The following GALNTL6 variants were observed in gnomAD, a reference collection of about 807,000 sequenced individuals.
GALNTL6 encodes the protein polypeptide N-acetylgalactosaminyltransferase-like 6.
In GALNTL6, 46 loss-of-function variants were observed where a neutral mutation model predicts 73.7. That is an observed-to-expected ratio of 0.62 (90% CI 0.49 to 0.80). The LOEUF (loss-of-function observed/expected upper bound fraction) is 0.80. Among genes scored for constraint, GALNTL6 ranks in the 30% least tolerant of loss-of-function variants. The probability of loss-of-function intolerance (pLI) is 0.00; values close to 1 mark genes in which losing one functional copy is unlikely to be tolerated. For synonymous variants in GALNTL6, 259 were observed against 263.7 expected (o/e 0.98, Z 0.17); for missense variants, 604 against 755.0 (o/e 0.80, Z 2.34).
intron 2 of GALNTL6, among the ~76,000 whole-genome samples, chr4:171,867,530 C>A (rs150818374): frequency 6.6e-6 from 1 of 152,196 alleles, no homozygotes; most frequent in Admixed American, 6.5e-5. Context: ...CCACTTGTTT[C>A]CATCCCCGAC....
chr4:172,444,126 A>G (rs1508256), intron 5 of GALNTL6, among the ~76,000 whole-genome samples: 95,871 of 152,030 alleles, frequency 0.63, 31,210 homozygotes, highest in South Asian at 0.82. Context: ...GGAGTATATA[A>G]ACTGAAGGTT....
chr4:172,836,706 T>C (rs1742928561), intron 7 of GALNTL6, among the ~76,000 whole-genome samples: 2 of 152,254 alleles, frequency 1.3e-5, no homozygotes. Context: ...CAGGTTGGCA[T>C]TTGAAAACCT....
At chr4:172,716,101 A>G (rs1220821699) in intron 5 of GALNTL6, among the ~76,000 whole-genome samples, 1 of 69,734 alleles carries the variant, frequency 1.4e-5, no homozygotes, top group African/African-American at 4.5e-5. Context: ...ACATTTGGCA[A>G]ACTCTAGAGA....
intron 5 of GALNTL6, among the ~76,000 whole-genome samples, chr4:172,740,109 T>A (rs1029228097): frequency 6.6e-6 from 1 of 152,054 alleles, no homozygotes; most frequent in Non-Finnish European, 1.5e-5. Context: ...TCCCTGGATA[T>A]TCCTCCATCG....
At chr4:172,358,343 G>A in intron 5 of GALNTL6, among the ~76,000 whole-genome samples, 1 of 152,214 alleles carries the variant, frequency 6.6e-6, no homozygotes, top group East Asian at 1.9e-4. Flanking sequence ...CCAATATAGA[G>A]AAAAGACAGC....
intron 5 of GALNTL6, among the ~76,000 whole-genome samples, chr4:172,386,330 G>C (rs866939710): frequency 1.3e-5 from 2 of 152,232 alleles, no homozygotes; most frequent in Middle Eastern, 3.4e-3. Flanking sequence ...GGCAGATCTG[G>C]TGTCTGGTAA....
chr4:172,041,527 A>G (rs181098975), intron 2 of GALNTL6, among the ~76,000 whole-genome samples: 44 of 152,216 alleles, frequency 2.9e-4, no homozygotes, highest in Middle Eastern at 3.4e-3. Context: ...AACAGTACAG[A>G]CCTGTGATTA....
intron 5 of GALNTL6, among the ~76,000 whole-genome samples, chr4:172,549,803 T>C (rs1735891984): frequency 6.6e-6 from 1 of 152,164 alleles, no homozygotes; most frequent in African/African-American, 2.4e-5. Context: ...AAAGTGCCTG[T>C]CTCACCCTTT....
chr4:172,709,675 G>A (rs1163065150), intron 5 of GALNTL6, among the ~76,000 whole-genome samples: 1 of 152,100 alleles, frequency 6.6e-6, no homozygotes, highest in Non-Finnish European at 1.5e-5. Context: ...TATCCATAAA[G>A]CAGGGCCCTA....
chr4:171,949,470 T>A (rs977475742), intron 2 of GALNTL6, among the ~76,000 whole-genome samples: 2 of 152,178 alleles, frequency 1.3e-5, no homozygotes, highest in Non-Finnish European at 2.9e-5. Flanking sequence ...ATAAACTTTT[T>A]TGATTATGCT....
At chr4:172,707,750 G>T (rs1322909881) in intron 5 of GALNTL6, among the ~76,000 whole-genome samples, 1 of 152,032 alleles carries the variant, frequency 6.6e-6, no homozygotes, top group Non-Finnish European at 1.5e-5. Flanking sequence ...TAGCCAACAA[G>T]CAGAGTAATT....
intron 2 of GALNTL6, among the ~76,000 whole-genome samples, chr4:172,128,131 A>G (rs1028876930): frequency 6.6e-6 from 1 of 152,070 alleles, no homozygotes. Context: ...GTGTCTAAAC[A>G]GTAAACTCAG....
At chr4:172,617,571 G>A (rs1395700280) in intron 5 of GALNTL6, among the ~76,000 whole-genome samples, 1 of 151,920 alleles carries the variant, frequency 6.6e-6, no homozygotes, top group Admixed American at 6.6e-5. Flanking sequence ...CCACCTCCTG[G>A]GTTCACGCCA....
intron 10 of GALNTL6, among the ~76,000 whole-genome samples, chr4:173,000,103 TA>T (rs1446240765): frequency 2.6e-5 from 4 of 152,168 alleles, no homozygotes; most frequent in Admixed American, 6.5e-5. Flanking sequence ...ATTGAGCACA[TA>T]ATATGGTCCA....
chr4:171,931,183 T>C (rs1738173619), intron 2 of GALNTL6, among the ~76,000 whole-genome samples: 1 of 152,144 alleles, frequency 6.6e-6, no homozygotes, highest in Non-Finnish European at 1.5e-5. Flanking sequence ...TTTATTTCAT[T>C]AGTAGTATTA....
Position 172,351,195 on chromosome 4 carries a change from C to T in GALNTL6, c.553+2506C>T, listed in dbSNP as rs534351648. ...CACAATAATCTGTCTATCTATCTATCTATCTATCTATCTATCTATCTATCT... is the reference window on the plus strand; with the variant it reads ...CACAATAATCTGTCTATCTATCTATTTATCTATCTATCTATCTATCTATCT... On this transcript the variant is annotated intron_variant, in intron 5 of 12. Coordinates refer to ENST00000506823, the MANE Select transcript of GALNTL6 (RefSeq NM_001034845.3). Among the ~76,000 whole-genome samples the T allele has an allele frequency of 1.8e-3, 264 of 150,216 alleles. 1 individual carries two copies. The highest frequency in any genetic ancestry group is 3.4e-3 in the Middle Eastern group (1 of 294).
intron 2 of GALNTL6, among the ~76,000 whole-genome samples, chr4:172,024,469 G>A (rs1215494886): frequency 1.3e-5 from 2 of 151,744 alleles, no homozygotes; most frequent in African/African-American, 4.8e-5. Flanking sequence ...CTAGAAGGAA[G>A]ACTATATGAT....
chr4:172,465,125 A>G (rs13118772), intron 5 of GALNTL6, among the ~76,000 whole-genome samples: 22,055 of 152,240 alleles, frequency 0.14, 1,849 homozygotes, highest in Non-Finnish European at 0.2. Context: ...CATGCTGACA[A>G]TATTTCCAGT....
At chr4:172,645,974 C>G (rs1391616737) in intron 5 of GALNTL6, among the ~76,000 whole-genome samples, 1 of 151,906 alleles carries the variant, frequency 6.6e-6, no homozygotes, top group South Asian at 2.1e-4. Flanking sequence ...GTCTTATGAC[C>G]AGTTTCAAGG....
Sources: gnomAD v4.1 joint callset for allele counts (sites outside exome capture counted in the v4.1 genomes callset) on GRCh38, gnomAD v4.1.1 for gene constraint, MANE v1.5 for transcripts, NCBI Gene and HGNC (gene_info 2026-07-23, HGNC 2026-07-21) for gene names.